The following PCDHGA5 variants were observed in gnomAD, a reference collection of about 807,000 sequenced individuals.
PCDHGA5 encodes the protein protocadherin gamma-A5.
In PCDHGA5, 36 loss-of-function variants were observed where a neutral mutation model predicts 56.7. The observed-to-expected ratio is 0.64, with a 90% CI of 0.49 to 0.84. The LOEUF is 0.84. Among genes scored for constraint, PCDHGA5 ranks in the 40% least tolerant of loss-of-function variants. The pLI is 0.00. For synonymous variants in PCDHGA5, 563 were observed against 520.2 expected (o/e 1.08, Z -1.12); for missense variants, 1,305 against 1,201.5 (o/e 1.09, Z -1.27).
chr5:141,431,237 C>A lies in PCDHGA5; in HGVS notation c.2422-63570C>A. 1 of 1,614,170 alleles carries A rather than the reference C, an allele frequency of 6.2e-7. No homozygotes were observed. Among genetic ancestry groups the A allele is most frequent in the Non-Finnish European group, 8.5e-7 (1 of 1,180,044 alleles). The stretch of plus-strand genomic sequence containing the variant: ...GTTCCCTCTACCCCACGCCTGGGAT[C>A]CGGATATCGGGAAGAACTCTCTGCA... On this transcript the variant is annotated intron_variant, in intron 1 of 3. Transcript: ENST00000518069. The surrounding 1 kb of genome is among the most constrained non-coding windows in gnomAD (Gnocchi z 4.8).
At chr5:141,421,841 AAG>A in intron 1 of PCDHGA5, 1 of 1,613,750 alleles carries the variant, frequency 6.2e-7, no homozygotes. Context: ...GACCGAGAGA[AAG>A]AGGCTGCTCA....
At position 141,431,215 on chromosome 5, in the gene PCDHGA5, C is replaced by G. The variant is rs1225114172; in HGVS notation, c.2422-63592C>G. 1 of 1,614,184 alleles carries G rather than the reference C, an allele frequency of 6.2e-7. No individual in the cohort carries two copies. Among genetic ancestry groups the G allele is most frequent in the Admixed American group, 1.7e-5 (1 of 60,032 alleles). On this transcript the variant is annotated intron_variant, in intron 1 of 3. Coordinates refer to ENST00000518069, the MANE Select transcript of PCDHGA5 (RefSeq NM_018918.3). This position sits in a 1 kb window ranked among gnomAD's most constrained non-coding sequence, Gnocchi z 4.8. ...AAAATGCAGCCACTGAGATGCGGTTCCCTCTACCCCACGCCTGGGATCCGG... is the reference window on the plus strand; with the variant it reads ...AAAATGCAGCCACTGAGATGCGGTTGCCTCTACCCCACGCCTGGGATCCGG...
At chr5:141,379,981 C>T (rs968805615) in intron 1 of PCDHGA5, among the ~76,000 whole-genome samples, 16 of 135,132 alleles carry the variant, frequency 1.2e-4, no homozygotes, top group Non-Finnish European at 2.3e-4. Context: ...CTCACTGCAA[C>T]TTCCTCCTCC....
Position 141,368,385 on chromosome 5 carries a change from A to T in PCDHGA5, c.2421+1634A>T, listed in dbSNP as rs535451348. Among the ~76,000 whole-genome samples the T allele has an allele frequency of 8.5e-5, 13 of 152,240 alleles. 1 individual carries two copies. The South Asian group carries it at 2.5e-3, about 29-fold the overall frequency. On this transcript the variant is annotated intron_variant, in intron 1 of 3. Coordinates refer to ENST00000518069, the MANE Select transcript of PCDHGA5 (RefSeq NM_018918.3). ...TACACACATATATATACACACATAC[A>T]CACACACAAACACACATACATACAC... is the stretch of plus-strand genomic sequence containing the variant.
Position 141,431,041 on chromosome 5 carries a change from G to C in PCDHGA5, c.2422-63766G>C, listed in dbSNP as rs2097339173. On this transcript the variant is annotated intron_variant, in intron 1 of 3. Coordinates refer to ENST00000518069, the MANE Select transcript of PCDHGA5 (RefSeq NM_018918.3). The surrounding 1 kb of genome is among the most constrained non-coding windows in gnomAD (Gnocchi z 4.8). ...CGGCGGGCAGGATAGACCGGGAGGA[G>C]CTCTGTATGGGGGCCATCAAGTGTC... The C allele has an allele frequency of 6.2e-7, 1 of 1,614,116 alleles. No homozygotes were observed. Among genetic ancestry groups the C allele is most frequent in the Non-Finnish European group, 8.5e-7 (1 of 1,180,046 alleles).
chr5:141,410,849 C>CTTTTTTTTCTTTTTT (rs2095433387), intron 1 of PCDHGA5: 1 of 129,786 alleles, frequency 7.7e-6, no homozygotes, highest in African/African-American at 6.0e-5. Context: ...TTGTCTTTGT[C>CTTTTTTTTCTTTTTT]TTTTTTTTTT....
At chr5:141,481,811 G>T (rs1050821120) in intron 1 of PCDHGA5, among the ~76,000 whole-genome samples, 3 of 151,892 alleles carry the variant, frequency 2.0e-5, no homozygotes, top group Admixed American at 1.3e-4. Flanking sequence ...AATTCACCAG[G>T]CGTGGTGGCT....
At position 141,511,424 on chromosome 5, in the gene PCDHGA5, G is replaced by A. The variant is rs939906846; in HGVS notation, c.*251G>A. 10 of 810,392 alleles carry A rather than the reference G, an allele frequency of 1.2e-5. No homozygotes were observed. Among genetic ancestry groups the A allele is most frequent in the East Asian group, 3.0e-5 (1 of 33,800 alleles). The allele number at this position is 810,392 out of a possible 1,614,324, so 50.2% of individuals were successfully genotyped here. On this transcript the variant is annotated 3_prime_UTR_variant, in exon 4 of 4. Transcript: ENST00000518069. The stretch of plus-strand genomic sequence containing the variant: ...ATCAACTGCTGTACCCATGGGGGTA[G>A]TGGGGTTACTGTAGACACCAAGAAC...
In PCDHGA5 at chr5:141,388,268, C is replaced by A; in HGVS notation, c.2421+21517C>A. On this transcript the variant is annotated intron_variant, in intron 1 of 3. Coordinates refer to ENST00000518069, the MANE Select transcript of PCDHGA5 (RefSeq NM_018918.3). ...ATGTGGAGATCGAGGACATTAATGA[C>A]CACACGCCAAAATTCACGCAAAATT... The A allele has an allele frequency of 1.3e-6, 2 of 1,594,084 alleles. No homozygotes were observed. Among genetic ancestry groups the A allele is most frequent in the African/African-American group, 2.9e-5 (2 of 68,850 alleles).
chr5:141,427,391 A>G (rs942653386), intron 1 of PCDHGA5: 3 of 459,818 alleles, frequency 6.5e-6, no homozygotes, highest in Non-Finnish European at 1.3e-5. Context: ...TGTTCAAAAC[A>G]CATGATAAAG....
intron 1 of PCDHGA5, among the ~76,000 whole-genome samples, chr5:141,444,095 T>C (rs1012556994): frequency 2.0e-5 from 3 of 150,676 alleles, no homozygotes; most frequent in Admixed American, 1.3e-4. Flanking sequence ...CTGCTAAGGA[T>C]TGGAAACCAA....
At position 141,478,208 on chromosome 5, in the gene PCDHGA5, C is replaced by G. The variant is rs200735608; in HGVS notation, c.2422-16599C>G. The G allele has an allele frequency of 2.5e-6, 4 of 1,614,096 alleles. No individual in the cohort carries two copies. The East Asian group carries it at 8.9e-5, about 36-fold the overall frequency. ...TCTCACCTTTTATCTACTTCTTTCTCTAATCCTGGTTTCTGTGGGGTTTGT... is the reference window on the plus strand; with the variant it reads ...TCTCACCTTTTATCTACTTCTTTCTGTAATCCTGGTTTCTGTGGGGTTTGT... On this transcript the variant is annotated intron_variant, in intron 1 of 3. Coordinates refer to ENST00000518069, the MANE Select transcript of PCDHGA5 (RefSeq NM_018918.3).
At chr5:141,421,009 T>C (rs948913987) in intron 1 of PCDHGA5, 1 of 515,496 alleles carries the variant, frequency 1.9e-6, no homozygotes, top group East Asian at 3.2e-5. Flanking sequence ...AATCAGGGAA[T>C]GGGAAGCTGC....
At chr5:141,372,197 C>A in intron 1 of PCDHGA5, 1 of 1,613,590 alleles carries the variant, frequency 6.2e-7, no homozygotes, top group Non-Finnish European at 8.5e-7. Context: ...CGGGATACAA[C>A]GCCTGGCTGT....
At position 141,444,152 on chromosome 5, in the gene PCDHGA5, A is replaced by ATTT. The variant is rs747671382; in HGVS notation, c.2422-50621_2422-50619dup. 1.9e-3 allele frequency among the ~76,000 whole-genome samples: 66 copies of ATTT among 33,898 alleles called. 23 individuals are homozygous for ATTT. Among genetic ancestry groups the ATTT allele is most frequent in the African/African-American group, 4.6e-3 (33 of 7,184 alleles). The allele number at this position is 33,898 out of a possible 152,430, so 22.2% of individuals were successfully genotyped here. A position where few individuals can be genotyped will look rare whatever the true frequency, so the allele number is the denominator to read the frequency against. On this transcript the variant is annotated intron_variant, in intron 1 of 3. Transcript: ENST00000518069. Reference sequence around the variant, plus strand: ...GATATGTGTCACTTGTGTGTACTGGATTTTTTTTTTTTTTTTTTTTTTTTT... The same window carrying ATTT: ...GATATGTGTCACTTGTGTGTACTGGATTTTTTTTTTTTTTTTTTTTTTTTTTTT...
At chr5:141,393,524 C>T (rs1197723193) in intron 1 of PCDHGA5, 4 of 1,614,010 alleles carry the variant, frequency 2.5e-6, no homozygotes, top group South Asian at 2.2e-5. Context: ...ATACAAATGA[C>T]AATGCCCCGG....
intron 1 of PCDHGA5, chr5:141,413,249 G>A (rs756270877): frequency 6.8e-6 from 11 of 1,613,832 alleles, no homozygotes; most frequent in Non-Finnish European, 9.3e-6. Flanking sequence ...CTTTTCTTCG[G>A]GATTCCATGG....
chr5:141,372,523 C>G, intron 1 of PCDHGA5: 1 of 1,614,018 alleles, frequency 6.2e-7, no homozygotes, highest in Non-Finnish European at 8.5e-7. Flanking sequence ...GTGATTCTGG[C>G]AATCTCCCTG....
intron 1 of PCDHGA5, among the ~76,000 whole-genome samples, chr5:141,373,062 C>T (rs898228375): frequency 1.3e-5 from 2 of 152,140 alleles, no homozygotes; most frequent in African/African-American, 4.8e-5. Flanking sequence ...TAATCTGAAA[C>T]ATTTTTAATA....
Sources: allele counts gnomAD v4.1 joint callset (sites outside exome capture counted in the v4.1 genomes callset), GRCh38; gene constraint gnomAD v4.1.1; non-coding constraint Gnocchi (gnomAD v3.1); transcripts MANE v1.5; gene names NCBI Gene and HGNC (gene_info 2026-07-23, HGNC 2026-07-21).